Variants in BDH2 observed in about 807,000 individuals in gnomAD.
The protein encoded by BDH2 is 3-hydroxybutyrate dehydrogenase 2, also known as dehydrogenase/reductase SDR family member 6.
In BDH2, 24 loss-of-function variants were observed where a neutral mutation model predicts 33.2. The observed-to-expected ratio is 0.72, with a 90% confidence interval of 0.52 to 1.02. BDH2 has a LOEUF of 1.02. Among genes scored for constraint, BDH2 ranks in the 50% least tolerant of loss-of-function variants. BDH2 has a pLI of 0.00. For missense variants in BDH2, 249 were observed against 301.6 expected (o/e 0.83, Z 1.29); for synonymous variants, 81 against 101.6 (o/e 0.80, Z 1.22).
chr4:103,098,350 T>A (rs890182116), intron 1 of BDH2, among the ~76,000 whole-genome samples: 9 of 152,210 alleles, frequency 5.9e-5, no homozygotes, highest in Admixed American at 5.9e-4. Context: ...GGCCTTCTTG[T>A]TGCAGGTCCA....
rs1042076861 is a variant in BDH2 at position 103,078,247 on chromosome 4, A to G, written c.*1455T>C. Among the ~76,000 whole-genome samples, 1 of 152,166 alleles carries G rather than the reference A, an allele frequency of 6.6e-6. No individual in the cohort carries two copies. The highest frequency in any genetic ancestry group is 1.5e-5 in the Non-Finnish European group (1 of 68,006). ...CAATGTTACAGAATTAACATCCATA[A>G]ATTTACTTTTCTTGAAAAATTTATT... is the stretch of plus-strand genomic sequence containing the variant. On this transcript the variant is annotated 3_prime_UTR_variant, in exon 10 of 10. Transcript: ENST00000296424.
intron 5 of BDH2, among the ~76,000 whole-genome samples, chr4:103,089,870 T>A (rs1747991429): frequency 1.3e-5 from 2 of 152,238 alleles, no homozygotes; most frequent in Admixed American, 1.3e-4. Context: ...AAAAATTTGC[T>A]AGTTCAACAT....
rs1237379734 is a variant in BDH2 at position 103,085,459 on chromosome 4, A to G, written c.422T>C (p.Val141Ala). ...TGTGCTGTACACACATCTGTTCACA[A>G]CTCCTGAGGGTGGAGGAAAGGTTCA... Reference protein sequence around the residue: ...MSSVASSVKGVVNRCVYSTTK... With the variant: ...MSSVASSVKGAVNRCVYSTTK... The change falls in exon 7 of 10, where the codon GTT (valine) becomes GCT (alanine). Residue 141 changes from valine to alanine, a missense_variant. Val to Ala is a moderately conservative substitution (Grantham distance 64). Transcript: ENST00000296424. 12 of 1,611,192 alleles carry G rather than the reference A, an allele frequency of 7.4e-6. No individual in the cohort carries two copies. Among genetic ancestry groups the G allele is most frequent in the Non-Finnish European group, 1.0e-5 (12 of 1,178,178 alleles).
At chr4:103,099,360 A>G (rs1362139918) in intron 1 of BDH2, 2 of 152,178 alleles carry the variant, frequency 1.3e-5, no homozygotes, top group African/African-American at 4.8e-5. Context: ...GTAATCTCAA[A>G]CTAAAACAGA....
chr4:103,093,594 T>C (rs1374687342), intron 3 of BDH2, among the ~76,000 whole-genome samples: 9 of 147,888 alleles, frequency 6.1e-5, no homozygotes, highest in Non-Finnish European at 1.2e-4. Context: ...TTATAATATA[T>C]ACAATGTATT....
At chr4:103,089,187 T>C (rs1747949927) in intron 5 of BDH2, among the ~76,000 whole-genome samples, 1 of 152,176 alleles carries the variant, frequency 6.6e-6, no homozygotes, top group Non-Finnish European at 1.5e-5. Context: ...AGTTCTAACA[T>C]GGGATATGTG....
chr4:103,082,812 G>T (rs999087357), intron 8 of BDH2, 59 bp downstream of exon 8: 32 of 1,405,996 alleles, frequency 2.3e-5, no homozygotes, highest in Non-Finnish European at 3.1e-5. Context: ...TCTGCTATAG[G>T]TATGGAAGAG....
chr4:103,094,268 G>A (rs1748252583), intron 3 of BDH2, among the ~76,000 whole-genome samples: 1 of 152,202 alleles, frequency 6.6e-6, no homozygotes, highest in Non-Finnish European at 1.5e-5. Context: ...AAATACACAT[G>A]AATTTTAAAG....
Position 103,083,263 on chromosome 4 carries a change from G to A in BDH2, c.533-334C>T, listed in dbSNP as rs143084636. Among the ~76,000 whole-genome samples the A allele has an allele frequency of 1.1e-3, 171 of 152,254 alleles. 1 individual carries two copies. The highest frequency in any genetic ancestry group is 4.1e-3 in the African/African-American group (170 of 41,552). On this transcript the variant is annotated intron_variant, in intron 7 of 9. Coordinates refer to ENST00000296424, the MANE Select transcript of BDH2 (RefSeq NM_020139.4). ...AAATACATTTATGCATATGATCTCA[G>A]CTAATCCTCACAATAACCCTGAGAT...
chr4:103,085,834 G>C lies in BDH2; in HGVS notation c.419-372C>G, dbSNP rs575543470. 152 of 1,272,910 alleles carry C rather than the reference G, an allele frequency of 1.2e-4. No individual in the cohort carries two copies. The African/African-American group carries it at 2.0e-3, about 17-fold the overall frequency. 78.9% of individuals were successfully genotyped at this position (1,272,910 alleles called of 1,614,324 possible). A position where few individuals can be genotyped will look rare whatever the true frequency, so the allele number is the denominator to read the frequency against. On this transcript the variant is annotated intron_variant, in intron 6 of 9. Coordinates refer to ENST00000296424, the MANE Select transcript of BDH2 (RefSeq NM_020139.4). Reference sequence around the variant, plus strand: ...GCACTTCTTTACATTCCTCTCTTGTGTATGTTGAATATGTGTATCCTTGCA... The same window carrying C: ...GCACTTCTTTACATTCCTCTCTTGTCTATGTTGAATATGTGTATCCTTGCA...
chr4:103,085,941 C>T, intron 6 of BDH2: 1 of 1,182,078 alleles, frequency 8.5e-7, no homozygotes, highest in Non-Finnish European at 1.1e-6. Flanking sequence ...ACATAATCCA[C>T]ATTTTGTACT....
Position 103,079,747 on chromosome 4 carries a change from A to G in BDH2, c.693T>C (p.Tyr231=). 6.2e-7 allele frequency: 1 copy of G among 1,613,750 alleles called. No homozygotes were observed. The highest frequency in any genetic ancestry group is 1.1e-5 in the South Asian group (1 of 91,078). ...CAATGATGACAGGGTTACCAGTTAC[A>G]TAAGCAGACTGCAGTGATAAACACA... ...CVYLASDESA[Y]VTGNPVIIDG... Residue 231 remains tyrosine (Y), a synonymous_variant, in exon 10 of 10, where the codon TAT becomes TAC. Coordinates refer to ENST00000296424, the MANE Select transcript of BDH2 (RefSeq NM_020139.4).
intron 5 of BDH2, 134 bp downstream of exon 5, chr4:103,091,043 A>G (rs1748058888): frequency 1.7e-6 from 1 of 574,896 alleles, no homozygotes. Flanking sequence ...AAATGCCTTG[A>G]TATAAATGTT....
chr4:103,086,702 A>G (rs1310892178), intron 5 of BDH2, among the ~76,000 whole-genome samples, 162 bp from the exon 6 acceptor site: 2 of 152,222 alleles, frequency 1.3e-5, no homozygotes, highest in African/African-American at 2.4e-5. Context: ...CAGTGAACCC[A>G]AAACACCTCA....
chr4:103,086,391 A>T (rs527904607), intron 6 of BDH2, 89 bp downstream of exon 6: 3 of 1,457,874 alleles, frequency 2.1e-6, no homozygotes, highest in Middle Eastern at 3.6e-4. Flanking sequence ...ACTTGAAATT[A>T]TAATCTCTGC....
chr4:103,092,509 T>C (rs1181799038), intron 4 of BDH2, 91 bp downstream of exon 4: 1 of 826,640 alleles, frequency 1.2e-6, no homozygotes. Flanking sequence ...TGGTTCACAA[T>C]GAATGATTTT....
At chr4:103,090,399 C>G (rs1388961594) in intron 5 of BDH2, among the ~76,000 whole-genome samples, 2 of 152,344 alleles carry the variant, frequency 1.3e-5, no homozygotes, top group Non-Finnish European at 2.9e-5. Flanking sequence ...CTTGAGCACA[C>G]ACTGTCTCTC....
intron 5 of BDH2, among the ~76,000 whole-genome samples, chr4:103,090,466 G>A (rs115854708): frequency 0.013 from 1,971 of 152,304 alleles, 31 homozygotes; most frequent in African/African-American, 0.041. Context: ...AGAAGCTTCA[G>A]GGCAGAGAAA....
At chr4:103,088,734 C>T (rs141902195) in intron 5 of BDH2, among the ~76,000 whole-genome samples, 133 of 152,276 alleles carry the variant, frequency 8.7e-4, no homozygotes, top group Middle Eastern at 6.8e-3. Flanking sequence ...CTGACCCAGC[C>T]CTTCTGTCTC....
Sources: gnomAD v4.1 joint callset for allele counts (sites outside exome capture counted in the v4.1 genomes callset) on GRCh38, gnomAD v4.1.1 for gene constraint, MANE v1.5 for transcripts, NCBI Gene and HGNC (gene_info 2026-07-23, HGNC 2026-07-21) for gene names.